The following CDH10 variants were observed in gnomAD, a reference collection of about 807,000 sequenced individuals.
CDH10 encodes the protein cadherin-10.
CDH10 carries 30 observed loss-of-function variants against 73.1 expected under a neutral mutation model. The observed-to-expected ratio is 0.41, with a 90% confidence interval of 0.31 to 0.56. CDH10 has a LOEUF of 0.56. Ranked by LOEUF, CDH10 falls within the 20% of genes least tolerant of loss-of-function variation. CDH10 has a pLI of 0.27. For synonymous variants in CDH10, 345 were observed against 348.2 expected (o/e 0.99, Z 0.10); for missense variants, 815 against 973.7 (o/e 0.84, Z 2.17).
intron 1 of CDH10, among the ~76,000 whole-genome samples, chr5:24,615,872 C>A (rs1747108886): frequency 6.6e-6 from 1 of 152,138 alleles, no homozygotes. Flanking sequence ...CTGTGATCAA[C>A]CTTAGTAGGT....
At chr5:24,567,629 T>C (rs956935283) in intron 2 of CDH10, among the ~76,000 whole-genome samples, 8 of 152,026 alleles carry the variant, frequency 5.3e-5, no homozygotes, top group Non-Finnish European at 8.8e-5. Context: ...AGAAAGGTGG[T>C]TGCCTATTGA....
intron 1 of CDH10, among the ~76,000 whole-genome samples, chr5:24,611,548 A>G (rs1170699881): frequency 6.6e-6 from 1 of 152,230 alleles, no homozygotes; most frequent in African/African-American, 2.4e-5. Context: ...AGAATAAAAT[A>G]GGATTATTAG....
intron 2 of CDH10, among the ~76,000 whole-genome samples, chr5:24,541,066 A>G (rs1396221996): frequency 6.6e-6 from 1 of 151,952 alleles, no homozygotes; most frequent in Non-Finnish European, 1.5e-5. Flanking sequence ...TTTACTTTTC[A>G]GAGTAAATAA....
At chr5:24,560,679 C>T (rs1013133488) in intron 2 of CDH10, among the ~76,000 whole-genome samples, 17 of 151,966 alleles carry the variant, frequency 1.1e-4, no homozygotes, top group African/African-American at 3.9e-4. Context: ...TTCAAGGAAT[C>T]TTGGCTGCTA....
chr5:24,553,815 A>C (rs1175333565), intron 2 of CDH10, among the ~76,000 whole-genome samples: 1 of 151,952 alleles, frequency 6.6e-6, no homozygotes, highest in Non-Finnish European at 1.5e-5. Context: ...AGAGAACGTA[A>C]GTAGCTAAGG....
At chr5:24,592,830 C>T (rs542691163) in intron 2 of CDH10, among the ~76,000 whole-genome samples, 22 of 151,664 alleles carry the variant, frequency 1.5e-4, no homozygotes, top group Non-Finnish European at 3.0e-4. Context: ...ATGACATTTG[C>T]TTTCTCGTTC....
intron 1 of CDH10, among the ~76,000 whole-genome samples, chr5:24,640,906 T>C (rs1170868906): frequency 6.6e-6 from 1 of 151,786 alleles, no homozygotes; most frequent in Non-Finnish European, 1.5e-5. Context: ...AAATCAAGAG[T>C]TACTTTTTTG....
chr5:24,579,305 A>G (rs13164583), intron 2 of CDH10, among the ~76,000 whole-genome samples: 57,806 of 151,352 alleles, frequency 0.38, 13,461 homozygotes, highest in East Asian at 0.54. Flanking sequence ...ATATTGTATT[A>G]GATTCTTTAT....
At chr5:24,606,433 A>T (rs1169544622) in intron 1 of CDH10, among the ~76,000 whole-genome samples, 1 of 152,082 alleles carries the variant, frequency 6.6e-6, no homozygotes, top group Non-Finnish European at 1.5e-5. Context: ...CAACAGGGTG[A>T]AAGCTTGTCT....
intron 5 of CDH10, among the ~76,000 whole-genome samples, chr5:24,522,277 AATTTTATGGTAACACT>A (rs1167998882): frequency 1.3e-5 from 2 of 152,154 alleles, no homozygotes; most frequent in Admixed American, 6.6e-5. Flanking sequence ...ATATTATCAA[AATTTTATGGTAACACT>A]ATTTTGAACC....
intron 1 of CDH10, among the ~76,000 whole-genome samples, chr5:24,631,766 T>A (rs907942710): frequency 6.6e-6 from 1 of 152,060 alleles, no homozygotes; most frequent in Non-Finnish European, 1.5e-5. Context: ...CTCATCTACA[T>A]CCATTTCTCA....
chr5:24,527,788 A>G lies in CDH10; in HGVS notation c.814+7324T>C, dbSNP rs146827724. On this transcript the variant is annotated intron_variant, in intron 5 of 11. Coordinates refer to ENST00000264463, the MANE Select transcript of CDH10 (RefSeq NM_006727.5). ...GAGTGCATGACTGTATAGTTACAAA[A>G]GCAAGCAAGAAAAAGTGAGAGAGAC... 1.7e-3 allele frequency among the ~76,000 whole-genome samples: 254 copies of G among 152,052 alleles called. 4 individuals carry two copies. The highest frequency in any genetic ancestry group is 0.015 in the Admixed American group (222 of 15,224).
intron 5 of CDH10, among the ~76,000 whole-genome samples, chr5:24,522,998 G>A (rs1047769386): frequency 2.0e-5 from 3 of 151,608 alleles, no homozygotes; most frequent in Admixed American, 1.3e-4. Flanking sequence ...TGACAATGGT[G>A]AATATTAAAA....
chr5:24,511,535 AAGAGAGAGACAG>A (rs781391983), intron 5 of CDH10, 21 bp from the exon 6 acceptor site: 5 of 845,516 alleles, frequency 5.9e-6, no homozygotes, highest in Non-Finnish European at 7.4e-6. Context: ...TAAAGAAAAG[AAGAGAGAGACAG>A]AGAGAGAGAG....
At chr5:24,571,104 T>C (rs1340766743) in intron 2 of CDH10, among the ~76,000 whole-genome samples, 1 of 152,126 alleles carries the variant, frequency 6.6e-6, no homozygotes, top group Non-Finnish European at 1.5e-5. Context: ...GAAGAGCAAA[T>C]TTAAGAGTTT....
At chr5:24,544,110 A>G (rs1042111581) in intron 2 of CDH10, among the ~76,000 whole-genome samples, 4 of 152,158 alleles carry the variant, frequency 2.6e-5, no homozygotes, top group Non-Finnish European at 5.9e-5. Flanking sequence ...CCTGGGCAAC[A>G]TGGTGAAACC....
chr5:24,581,365 C>G (rs776190203), intron 2 of CDH10, among the ~76,000 whole-genome samples: 1 of 152,202 alleles, frequency 6.6e-6, no homozygotes, highest in Non-Finnish European at 1.5e-5. Flanking sequence ...TCAAATATCA[C>G]CTTCTCCGTG....
chr5:24,510,033 A>G (rs1414631240), intron 6 of CDH10, among the ~76,000 whole-genome samples: 1 of 152,220 alleles, frequency 6.6e-6, no homozygotes, highest in Non-Finnish European at 1.5e-5. Flanking sequence ...ACTTCGGAAC[A>G]TAGGAAATTG....
chr5:24,527,524 T>C (rs1743578268), intron 5 of CDH10, among the ~76,000 whole-genome samples: 1 of 151,794 alleles, frequency 6.6e-6, no homozygotes. Context: ...CAGAGTGTAC[T>C]TACACAAACC....
Sources: gnomAD v4.1 joint callset for allele counts (sites outside exome capture counted in the v4.1 genomes callset) on GRCh38, gnomAD v4.1.1 for gene constraint, MANE v1.5 for transcripts, NCBI Gene and HGNC (gene_info 2026-07-23, HGNC 2026-07-21) for gene names.